OSBPL8: variants seen among roughly 807,000 people sequenced by gnomAD.
OSBPL8 encodes the protein oxysterol-binding protein-related protein 8.
In OSBPL8, 59 loss-of-function variants were observed where a neutral mutation model predicts 125.5. That is an observed-to-expected ratio of 0.47 (90% CI 0.38 to 0.58). The LOEUF is 0.58. OSBPL8 is among the 20% of genes least tolerant of loss of function. OSBPL8 has a pLI of 0.00. For synonymous variants in OSBPL8, 330 were observed against 338.9 expected (o/e 0.97, Z 0.29); for missense variants, 758 against 1,047.8 (o/e 0.72, Z 3.82).
chr12:76,495,728 A>G (rs1389852798), intron 1 of OSBPL8, among the ~76,000 whole-genome samples: 3 of 151,308 alleles, frequency 2.0e-5, no homozygotes, highest in Non-Finnish European at 4.4e-5. Context: ...AATGTCCAAT[A>G]ATTTAGTTAT....
chr12:76,400,499 C>T (rs2136346885), intron 6 of OSBPL8, among the ~76,000 whole-genome samples: 1 of 152,168 alleles, frequency 6.6e-6, no homozygotes, highest in Non-Finnish European at 1.5e-5. Context: ...GATTACATTC[C>T]CTAGGTTATA....
chr12:76,407,934 T>A (rs918155808), intron 5 of OSBPL8, among the ~76,000 whole-genome samples: 1 of 152,028 alleles, frequency 6.6e-6, no homozygotes, highest in African/African-American at 2.4e-5. Flanking sequence ...GTTTGTTCAT[T>A]CATAAAATGG....
chr12:76,472,146 G>A (rs115652218), intron 2 of OSBPL8, among the ~76,000 whole-genome samples: 1,596 of 152,284 alleles, frequency 0.01, 36 homozygotes, highest in African/African-American at 0.037. Flanking sequence ...TCTACTTGTC[G>A]TATAGCTCGG....
intron 4 of OSBPL8, among the ~76,000 whole-genome samples, chr12:76,448,725 A>G (rs1348618001): frequency 5.8e-4 from 89 of 152,236 alleles, no homozygotes; most frequent in Non-Finnish European, 5.9e-5. Context: ...CTATTGAAAT[A>G]AAGTAGAGGA....
chr12:76,376,920 C>T (rs1210305800), intron 16 of OSBPL8, among the ~76,000 whole-genome samples: 4 of 152,240 alleles, frequency 2.6e-5, no homozygotes, highest in South Asian at 2.1e-4. Flanking sequence ...TGCTATCCCT[C>T]CCCTTGCCCC....
chr12:76,423,239 T>G (rs1869730088), intron 4 of OSBPL8: 1 of 152,284 alleles, frequency 6.6e-6, no homozygotes, highest in Non-Finnish European at 1.5e-5. Flanking sequence ...AGATACTCTT[T>G]CAAGCACAAC....
chr12:76,435,529 TG>T (rs1317158436), intron 4 of OSBPL8, among the ~76,000 whole-genome samples: 1 of 152,098 alleles, frequency 6.6e-6, no homozygotes, highest in Non-Finnish European at 1.5e-5. Flanking sequence ...AGAGGGGAGA[TG>T]TTAACTGATC....
intron 4 of OSBPL8, among the ~76,000 whole-genome samples, chr12:76,421,546 T>C (rs1006399018): frequency 7.2e-5 from 11 of 152,044 alleles, no homozygotes; most frequent in Non-Finnish European, 4.4e-5. Flanking sequence ...ATATACCACT[T>C]ATCAACATGA....
At chr12:76,517,509 A>C (rs1881665797) in intron 1 of OSBPL8, among the ~76,000 whole-genome samples, 1 of 152,216 alleles carries the variant, frequency 6.6e-6, no homozygotes, top group Non-Finnish European at 1.5e-5. Context: ...ATATATATAA[A>C]AAACAGGCTA....
At chr12:76,553,615 G>C (rs1051840784) in intron 1 of OSBPL8, among the ~76,000 whole-genome samples, 6 of 151,626 alleles carry the variant, frequency 4.0e-5, no homozygotes, top group African/African-American at 1.5e-4. Flanking sequence ...CGAGGCTGCA[G>C]TGAGCCATGG....
chr12:76,489,783 T>A (rs1452817320), intron 1 of OSBPL8, among the ~76,000 whole-genome samples: 2 of 152,244 alleles, frequency 1.3e-5, no homozygotes, highest in Non-Finnish European at 2.9e-5. Flanking sequence ...TGTCTTATTA[T>A]TTAAGAAATA....
At chr12:76,513,314 T>A (rs763880203) in intron 1 of OSBPL8, among the ~76,000 whole-genome samples, 2 of 152,248 alleles carry the variant, frequency 1.3e-5, no homozygotes, top group Non-Finnish European at 2.9e-5. Context: ...TTTTGGTTCG[T>A]TTGCATTTGC....
At position 76,503,234 on chromosome 12, in the gene OSBPL8, G is replaced by T. The variant is rs114587919; in HGVS notation, c.-67-15616C>A. Among the ~76,000 whole-genome samples, 452 of 152,318 alleles carry T rather than the reference G, an allele frequency of 3.0e-3. 1 individual carries two copies. Among genetic ancestry groups the T allele is most frequent in the African/African-American group, 0.011 (437 of 41,586 alleles). On this transcript the variant is annotated intron_variant, in intron 1 of 23. Coordinates refer to ENST00000261183, the MANE Select transcript of OSBPL8 (RefSeq NM_020841.5). ...AACATTATTTCCTCATAGGTCTGGAGGCTAGATGTCCAAGATCAAGGTTTC... is the reference window on the plus strand; with the variant it reads ...AACATTATTTCCTCATAGGTCTGGATGCTAGATGTCCAAGATCAAGGTTTC...
At chr12:76,408,754 G>C (rs752506254) in intron 5 of OSBPL8, among the ~76,000 whole-genome samples, 1 of 152,040 alleles carries the variant, frequency 6.6e-6, no homozygotes, top group Non-Finnish European at 1.5e-5. Flanking sequence ...AGATGCTACT[G>C]TACCCAAAGC....
chr12:76,378,404 A>ACTTAAAAGGAAAG (rs761259051), intron 16 of OSBPL8, 48 bp downstream of exon 16: 1 of 1,269,722 alleles, frequency 7.9e-7, no homozygotes, highest in Non-Finnish European at 1.1e-6. Context: ...ACATACATTT[A>ACTTAAAAGGAAAG]CTTAAAAGGA....
chr12:76,500,314 T>C (rs554028052), intron 1 of OSBPL8, among the ~76,000 whole-genome samples: 1 of 152,332 alleles, frequency 6.6e-6, no homozygotes, highest in East Asian at 1.9e-4. Flanking sequence ...ACTTCATATT[T>C]CCATGCCTTT....
intron 1 of OSBPL8, among the ~76,000 whole-genome samples, chr12:76,510,326 T>C (rs1367288621): frequency 3.9e-5 from 6 of 152,226 alleles, no homozygotes; most frequent in African/African-American, 7.2e-5. Flanking sequence ...TCTATTGTTT[T>C]ATAAATACCT....
chr12:76,393,599 C>T (rs952465790), intron 9 of OSBPL8, among the ~76,000 whole-genome samples: 71 of 149,206 alleles, frequency 4.8e-4, no homozygotes, highest in African/African-American at 1.8e-3. Flanking sequence ...TAGTCCCAGC[C>T]ACTCGGGAGA....
intron 4 of OSBPL8, among the ~76,000 whole-genome samples, chr12:76,449,145 A>C (rs181851342): frequency 2.6e-5 from 4 of 152,252 alleles, no homozygotes; most frequent in Non-Finnish European, 5.9e-5. Context: ...GACTAATTAC[A>C]AAGTATGACA....
Sources: allele counts gnomAD v4.1 joint callset (sites outside exome capture counted in the v4.1 genomes callset), GRCh38; gene constraint gnomAD v4.1.1; transcripts MANE v1.5; gene names NCBI Gene and HGNC (gene_info 2026-07-23, HGNC 2026-07-21).